The following NTM variants were observed in gnomAD, a reference collection of about 807,000 sequenced individuals.
The protein encoded by NTM is neurotrimin.
Under a neutral mutation model 42.1 loss-of-function variants are expected in NTM, and 13 were observed. That is an observed-to-expected ratio of 0.31 (90% confidence interval 0.20 to 0.49). The LOEUF (loss-of-function observed/expected upper bound fraction) is 0.49, where lower values mean the gene tolerates loss of function less well. Among genes scored for constraint, NTM ranks in the 20% least tolerant of loss-of-function variants. NTM has a pLI of 0.99. For missense variants in NTM, 373 were observed against 452.8 expected, an observed-to-expected ratio of 0.82 and a Z score of 1.60; for synonymous variants, 187 against 179.2, an observed-to-expected ratio of 1.04 and a Z score of -0.35.
At chr11:132,330,320 A>G (rs2136433758) in intron 8 of NTM, 135 bp downstream of exon 8, 2 of 911,392 alleles carry the variant, frequency 2.2e-6, no homozygotes, top group Non-Finnish European at 1.7e-6. Flanking sequence ...CCAACCTTCA[A>G]CCATCTCCGT....
intron 3 of NTM, among the ~76,000 whole-genome samples, chr11:132,169,319 A>AGTTTTTTTTTTTTTTTTTTT (rs1491121130): frequency 9.7e-5 from 1 of 10,292 alleles, no homozygotes; most frequent in African/African-American, 2.9e-4. Context: ...TAATTTTTTT[A>AGTTTTTTTTTTTTTTTTTTT]CTTTTTTTTT....
intron 1 of NTM, among the ~76,000 whole-genome samples, chr11:131,738,918 A>G (rs1218618241): frequency 6.6e-6 from 1 of 152,194 alleles, no homozygotes; most frequent in Non-Finnish European, 1.5e-5. Flanking sequence ...CTCCCGTCAA[A>G]TGAGTCAAAG....
chr11:132,171,478 G>T (rs1385431514), intron 3 of NTM, among the ~76,000 whole-genome samples: 1 of 152,154 alleles, frequency 6.6e-6, no homozygotes, highest in East Asian at 1.9e-4. Flanking sequence ...GTGGTGAGGG[G>T]TCTCTTTCTA....
At chr11:132,037,273 C>T (rs1565998592) in intron 2 of NTM, among the ~76,000 whole-genome samples, 1 of 152,004 alleles carries the variant, frequency 6.6e-6, no homozygotes, top group Non-Finnish European at 1.5e-5. Context: ...TCTCTTGCTT[C>T]CTCTCTCCCC....
chr11:132,263,267 T>C (rs1357325273), intron 4 of NTM, among the ~76,000 whole-genome samples: 1 of 152,224 alleles, frequency 6.6e-6, no homozygotes, highest in Non-Finnish European at 1.5e-5. Flanking sequence ...CCTGACCTCA[T>C]ATGAAACTTA....
At chr11:132,246,218 C>G (rs1010044773) in intron 4 of NTM, among the ~76,000 whole-genome samples, 17 of 152,350 alleles carry the variant, frequency 1.1e-4, no homozygotes, top group African/African-American at 4.1e-4. Context: ...CCGCACCTCC[C>G]GCACAGGTGG....
chr11:132,325,264 C>T (rs1219011411), intron 7 of NTM, among the ~76,000 whole-genome samples: 1 of 149,720 alleles, frequency 6.7e-6, no homozygotes, highest in African/African-American at 2.4e-5. Flanking sequence ...TTTTCGCAAC[C>T]TACTCATCTG....
intron 1 of NTM, among the ~76,000 whole-genome samples, chr11:131,613,151 G>A (rs1415464961): frequency 2.0e-5 from 3 of 152,020 alleles, no homozygotes; most frequent in African/African-American, 7.2e-5. Flanking sequence ...CACACTTCTT[G>A]CAGGAAAGCA....
At chr11:131,395,541 G>A (rs1435891044) in intron 1 of NTM, among the ~76,000 whole-genome samples, 4 of 152,216 alleles carry the variant, frequency 2.6e-5, no homozygotes, top group African/African-American at 9.6e-5. Flanking sequence ...GAGAACTCCT[G>A]TGGCTATTTA....
intron 1 of NTM, among the ~76,000 whole-genome samples, chr11:131,594,546 C>A (rs1294279387): frequency 3.4e-5 from 5 of 147,746 alleles, no homozygotes; most frequent in African/African-American, 1.2e-4. Flanking sequence ...CAGTGCAGAC[C>A]ACCGCGCCCA....
At chr11:132,296,881 G>T (rs2094630851) in intron 4 of NTM, among the ~76,000 whole-genome samples, 1 of 152,222 alleles carries the variant, frequency 6.6e-6, no homozygotes, top group Admixed American at 6.5e-5. Context: ...CGTGTTTCCA[G>T]CAGGATGATT....
intron 2 of NTM, among the ~76,000 whole-genome samples, chr11:131,931,248 A>G (rs2058566867): frequency 6.6e-6 from 1 of 151,912 alleles, no homozygotes; most frequent in Non-Finnish European, 1.5e-5. Flanking sequence ...AGAGTTCAGG[A>G]CCAGCCTGGG....
At chr11:131,825,828 CAG>C (rs2042062334) in intron 1 of NTM, among the ~76,000 whole-genome samples, 2 of 152,182 alleles carry the variant, frequency 1.3e-5, no homozygotes, top group South Asian at 4.1e-4. Context: ...CCAGACTTAA[CAG>C]AGAAAAATAT....
At chr11:131,683,010 A>G (rs2073235450) in intron 1 of NTM, among the ~76,000 whole-genome samples, 1 of 152,194 alleles carries the variant, frequency 6.6e-6, no homozygotes, top group African/African-American at 2.4e-5. Flanking sequence ...TCACGCAAGC[A>G]CGTGCAAGGA....
intron 3 of NTM, among the ~76,000 whole-genome samples, chr11:132,205,221 G>T (rs1313009192): frequency 6.6e-6 from 1 of 152,160 alleles, no homozygotes; most frequent in Non-Finnish European, 1.5e-5. Context: ...AGATCTGCAT[G>T]CGCCGTGCAG....
intron 3 of NTM, among the ~76,000 whole-genome samples, chr11:132,195,658 C>T (rs2080089833): frequency 6.6e-6 from 1 of 152,082 alleles, no homozygotes; most frequent in Non-Finnish European, 1.5e-5. Context: ...AGTTTCATAC[C>T]TACAATCATC....
chr11:132,115,617 G>T (rs2063775453), intron 2 of NTM, among the ~76,000 whole-genome samples: 1 of 152,198 alleles, frequency 6.6e-6, no homozygotes, highest in Non-Finnish European at 1.5e-5. Context: ...TAGTCTGGAT[G>T]GTGATGCTCT....
chr11:132,132,642 C>T (rs1048328857), intron 2 of NTM, among the ~76,000 whole-genome samples: 3 of 152,122 alleles, frequency 2.0e-5, no homozygotes, highest in African/African-American at 7.2e-5. Flanking sequence ...GATACTCTTC[C>T]CCTCAATACT....
intron 1 of NTM, among the ~76,000 whole-genome samples, chr11:131,714,102 G>T (rs777201956): frequency 6.6e-6 from 1 of 152,258 alleles, no homozygotes; most frequent in Admixed American, 6.5e-5. Context: ...CTGCCATTTT[G>T]CCTCATAGGG....
Sources: gnomAD v4.1 joint callset for allele counts (sites outside exome capture counted in the v4.1 genomes callset) on GRCh38, gnomAD v4.1.1 for gene constraint, MANE v1.5 for transcripts, NCBI Gene and HGNC (gene_info 2026-07-23, HGNC 2026-07-21) for gene names.